NRG3: variants seen among roughly 807,000 people sequenced by gnomAD.
NRG3 encodes the protein neuregulin 3.
A neutral mutation model predicts 66.9 loss-of-function variants in NRG3; 31 were observed. The ratio of observed to expected loss-of-function variants is 0.46; its 90% confidence interval spans 0.35 to 0.63. NRG3 has a LOEUF of 0.63. Among genes scored for constraint, NRG3 ranks in the 20% least tolerant of loss-of-function variants. NRG3 has a pLI of 0.00. For synonymous variants in NRG3, 393 were observed against 359.4 expected, an observed-to-expected ratio of 1.09 and a Z score of -1.06; for missense variants, 910 against 878.9, an observed-to-expected ratio of 1.04 and a Z score of -0.45.
At chr10:82,046,965 G>T (rs2133079979) in intron 1 of NRG3, among the ~76,000 whole-genome samples, 1 of 148,558 alleles carries the variant, frequency 6.7e-6, no homozygotes, top group Non-Finnish European at 1.5e-5. Flanking sequence ...GCTGGATTCG[G>T]TTTGTCAGTA....
intron 2 of NRG3, among the ~76,000 whole-genome samples, chr10:82,408,017 C>T (rs1235856655): frequency 7.0e-6 from 1 of 143,228 alleles, no homozygotes; most frequent in Non-Finnish European, 1.5e-5. Context: ...CCACTGCACT[C>T]CAGCCTGTGT....
chr10:81,931,292 G>C (rs1342112335), intron 1 of NRG3, among the ~76,000 whole-genome samples: 2 of 152,150 alleles, frequency 1.3e-5, no homozygotes, highest in Middle Eastern at 3.4e-3. Flanking sequence ...TTGATCCAAG[G>C]GATCATGAAT....
chr10:82,788,679 T>G (rs947178908), intron 3 of NRG3, among the ~76,000 whole-genome samples: 4 of 152,138 alleles, frequency 2.6e-5, no homozygotes, highest in African/African-American at 9.7e-5. Context: ...AATCAGGAAC[T>G]TAAAAAATAT....
chr10:82,157,974 C>A (rs959242942), intron 1 of NRG3, among the ~76,000 whole-genome samples: 1 of 151,594 alleles, frequency 6.6e-6, no homozygotes, highest in African/African-American at 2.4e-5. Flanking sequence ...CATCAAGGAA[C>A]GTGATTAGCA....
At chr10:82,650,288 T>G (rs2051308450) in intron 2 of NRG3, among the ~76,000 whole-genome samples, 1 of 152,238 alleles carries the variant, frequency 6.6e-6, no homozygotes, top group Non-Finnish European at 1.5e-5. Context: ...TTTCCTAGGC[T>G]GCTATTCATT....
rs531239432 is a variant in NRG3, at chr10:82,902,776, C to T, written c.1054+37339C>T. Among the ~76,000 whole-genome samples, 9 of 152,114 alleles carry T rather than the reference C, an allele frequency of 5.9e-5. No homozygotes were observed. The East Asian group carries it at 1.4e-3, about 23-fold the overall frequency. On this transcript the variant is annotated intron_variant, in intron 4 of 8. Transcript: ENST00000372141. ...TGAACAACATGGGTTTGAACTGTCT[C>T]GGTCCATTTACATGCAGTTTTTTAC...
intron 1 of NRG3, chr10:82,230,050 G>T (rs1479601869): frequency 6.6e-6 from 1 of 152,102 alleles, no homozygotes; most frequent in Non-Finnish European, 1.5e-5. Flanking sequence ...CTGAAAAGGA[G>T]AAACGAATAT....
At chr10:82,449,415 A>C (rs1353620853) in intron 2 of NRG3, among the ~76,000 whole-genome samples, 1 of 152,248 alleles carries the variant, frequency 6.6e-6, no homozygotes, top group Non-Finnish European at 1.5e-5. Context: ...CCCAGCCTGA[A>C]TGAAAGATAG....
intron 2 of NRG3, among the ~76,000 whole-genome samples, chr10:82,610,603 A>G (rs1480995089): frequency 6.6e-6 from 1 of 152,170 alleles, no homozygotes; most frequent in Non-Finnish European, 1.5e-5. Flanking sequence ...AATTCCACAT[A>G]ATTTTGTACC....
At chr10:82,668,518 T>C (rs924334664) in intron 2 of NRG3, among the ~76,000 whole-genome samples, 1 of 152,184 alleles carries the variant, frequency 6.6e-6, no homozygotes, top group African/African-American at 2.4e-5. Flanking sequence ...TCCTGCTAGA[T>C]ACAGGCCAAA....
At position 82,258,203 on chromosome 10, in the gene NRG3, C is replaced by T. The variant is rs371370740; in HGVS notation, c.824-100536C>T. Among the ~76,000 whole-genome samples, 5 of 152,152 alleles carry T rather than the reference C, an allele frequency of 3.3e-5. No individual in the cohort carries two copies. The East Asian group carries it at 7.7e-4, about 23-fold the overall frequency. ...TTCCAACCTAGTTTATTGACATTCT[C>T]AATTATATTGGTCATGAATGGAACG... On this transcript the variant is annotated intron_variant, in intron 1 of 8. Coordinates refer to ENST00000372141, the MANE Select transcript of NRG3 (RefSeq NM_001010848.4).
chr10:82,030,486 C>T (rs1464305811), intron 1 of NRG3, among the ~76,000 whole-genome samples: 3 of 151,982 alleles, frequency 2.0e-5, no homozygotes, highest in African/African-American at 4.8e-5. Context: ...GCAGTAGTTA[C>T]ACATAAGACA....
intron 2 of NRG3, among the ~76,000 whole-genome samples, chr10:82,411,540 A>G (rs1339895371): frequency 1.3e-5 from 2 of 152,058 alleles, no homozygotes; most frequent in African/African-American, 4.8e-5. Flanking sequence ...ATCTACTGAT[A>G]TTTCCTCCAC....
chr10:82,205,504 GGT>G (rs2075071730), intron 1 of NRG3, among the ~76,000 whole-genome samples: 1 of 152,124 alleles, frequency 6.6e-6, no homozygotes, highest in Admixed American at 6.6e-5. Flanking sequence ...CTCAGTAAGA[GGT>G]ATATGAATCA....
At chr10:82,839,127 C>G (rs2062927679) in intron 3 of NRG3, among the ~76,000 whole-genome samples, 1 of 152,024 alleles carries the variant, frequency 6.6e-6, no homozygotes, top group Admixed American at 6.6e-5. Flanking sequence ...GGGACACAGC[C>G]AAACTATATA....
chr10:82,482,973 C>T (rs1288478507), intron 2 of NRG3, among the ~76,000 whole-genome samples: 1 of 152,098 alleles, frequency 6.6e-6, no homozygotes, highest in Non-Finnish European at 1.5e-5. Context: ...TACCAACCAG[C>T]ACAGATCCTA....
rs1022183894 is a variant in NRG3 at position 82,112,759 on chromosome 10, C to G, written c.823+236596C>G. Among the ~76,000 whole-genome samples the G allele has an allele frequency of 7.2e-5, 11 of 152,136 alleles. No individual in the cohort carries two copies. In the East Asian group the frequency reaches 2.1e-3, roughly 30 times the overall value. ...TGTTGAAGAAGCTCCATAATGTCACCAACTGTAACCATAGTCACCTGATTT... is the reference window on the plus strand; with the variant it reads ...TGTTGAAGAAGCTCCATAATGTCACGAACTGTAACCATAGTCACCTGATTT... On this transcript the variant is annotated intron_variant, in intron 1 of 8. Coordinates refer to ENST00000372141, the MANE Select transcript of NRG3 (RefSeq NM_001010848.4).
intron 2 of NRG3, among the ~76,000 whole-genome samples, chr10:82,716,281 T>A (rs1484181636): frequency 2.0e-5 from 3 of 152,200 alleles, no homozygotes; most frequent in Non-Finnish European, 4.4e-5. Context: ...AGCATATACA[T>A]ATGTATACAC....
In NRG3 at chr10:82,551,377, C is replaced by T. The variant is rs140545246; in HGVS notation, c.954-187200C>T. ...ATGGTTAAGAAGTAGCTTGCAAAAT[C>T]TTTCTCCAGTTCTCTCATAGAGGAG... On this transcript the variant is annotated intron_variant, in intron 2 of 8. Coordinates refer to ENST00000372141, the MANE Select transcript of NRG3 (RefSeq NM_001010848.4). Among the ~76,000 whole-genome samples the T allele has an allele frequency of 1.2e-3, 180 of 152,144 alleles. 4 individuals carry two copies. In the East Asian group the frequency reaches 0.031, roughly 26 times the overall value.
Sources: gnomAD v4.1 joint callset for allele counts (sites outside exome capture counted in the v4.1 genomes callset) on GRCh38, gnomAD v4.1.1 for gene constraint, MANE v1.5 for transcripts, NCBI Gene and HGNC (gene_info 2026-07-23, HGNC 2026-07-21) for gene names.